Variants in SCN11A observed in about 807,000 individuals in gnomAD.
SCN11A encodes the protein sodium channel protein type 11 subunit alpha.
A neutral mutation model predicts 162.2 loss-of-function variants in SCN11A; 122 were observed. The observed-to-expected ratio is 0.75, with a 90% confidence interval of 0.65 to 0.87. SCN11A has a LOEUF of 0.87. SCN11A is among the 40% of genes least tolerant of loss of function. SCN11A has a pLI of 0.00. For synonymous variants in SCN11A, 758 were observed against 751.5 expected, an observed-to-expected ratio of 1.01 and a Z score of -0.14; for missense variants, 2,015 against 2,181.6, an observed-to-expected ratio of 0.92 and a Z score of 1.52.
At chr3:39,009,815 T>A (rs962089944) in intron 2 of SCN11A, among the ~76,000 whole-genome samples, 6 of 149,146 alleles carry the variant, frequency 4.0e-5, no homozygotes, top group Admixed American at 6.7e-5. Context: ...TAGCTGGGAC[T>A]ACAGGTGTGC....
intron 8 of SCN11A, among the ~76,000 whole-genome samples, chr3:38,925,955 A>C (rs1016689950): frequency 6.6e-6 from 1 of 152,246 alleles, no homozygotes; most frequent in Non-Finnish European, 1.5e-5. Context: ...TCAATAACGA[A>C]GAGCACACAA....
chr3:38,954,631 A>C (rs997053626), intron 3 of SCN11A, among the ~76,000 whole-genome samples: 3 of 151,962 alleles, frequency 2.0e-5, no homozygotes, highest in Non-Finnish European at 2.9e-5. Flanking sequence ...AGATGATAAA[A>C]AAACAAACAA....
At chr3:38,874,330 G>A (rs951653106) in intron 23 of SCN11A, among the ~76,000 whole-genome samples, 5 of 152,026 alleles carry the variant, frequency 3.3e-5, no homozygotes, top group East Asian at 3.9e-4. Flanking sequence ...GGGCACAGTC[G>A]CTCAAGCCTG....
chr3:39,004,678 T>C (rs566009187), intron 2 of SCN11A, among the ~76,000 whole-genome samples: 16 of 152,326 alleles, frequency 1.1e-4, no homozygotes, highest in Non-Finnish European at 2.1e-4. Context: ...TTTTCCCATT[T>C]GTTTGTGTCT....
intron 2 of SCN11A, among the ~76,000 whole-genome samples, chr3:38,989,080 C>G (rs1357220866): frequency 6.6e-6 from 1 of 152,134 alleles, no homozygotes; most frequent in Non-Finnish European, 1.5e-5. Flanking sequence ...AAAAGTCTGC[C>G]TGGTTCTCCT....
At chr3:39,044,897 C>T (rs1348174812) in intron 1 of SCN11A, among the ~76,000 whole-genome samples, 1 of 151,052 alleles carries the variant, frequency 6.6e-6, no homozygotes, top group Non-Finnish European at 1.5e-5. Context: ...AGATAATATC[C>T]ACAAACCACT....
Position 38,871,518 on chromosome 3 carries a change from C to A in SCN11A, c.3686G>T (p.Gly1229Val). ...TTTCTGGTTGATCCAAGAGAAATTGCCACTTTCACATTGACTTTTATTTGT... is the reference window on the plus strand; with the variant it reads ...TTTCTGGTTGATCCAAGAGAAATTGACACTTTCACATTGACTTTTATTTGT... ...IITNKSQCES[G>V]NFSWINQKVN... is the part of the protein sequence containing the mutation. The change falls in exon 25 of 30, where the codon GGC becomes GTC. Residue 1229 changes from glycine (G) to valine (V), a missense_variant. By Grantham distance (109) the Gly-to-Val change is moderately radical. Transcript: ENST00000302328. 6.2e-7 allele frequency: 1 copy of A among 1,612,586 alleles called. No individual in the cohort carries two copies. Among genetic ancestry groups the A allele is most frequent in the Non-Finnish European group, 8.5e-7 (1 of 1,179,150 alleles).
At chr3:38,899,168 T>C (rs933124329) in intron 17 of SCN11A, among the ~76,000 whole-genome samples, 1 of 152,172 alleles carries the variant, frequency 6.6e-6, no homozygotes, top group Non-Finnish European at 1.5e-5. Flanking sequence ...GTTTTCTAGT[T>C]CCCCTTCTCA....
chr3:39,048,782 C>T (rs1311572471), intron 1 of SCN11A, among the ~76,000 whole-genome samples: 1 of 152,186 alleles, frequency 6.6e-6, no homozygotes, highest in East Asian at 1.9e-4. Flanking sequence ...TTATAGCTTT[C>T]AACCAGATTT....
At chr3:38,905,053 G>A (rs1379269246) in intron 15 of SCN11A, 139 bp downstream of exon 15, 2 of 1,076,872 alleles carry the variant, frequency 1.9e-6, no homozygotes, top group Admixed American at 2.1e-5. Context: ...GGCAAAGGAA[G>A]TCACTCTTTG....
At position 38,854,524 on chromosome 3, in the gene SCN11A, G is replaced by A. The variant is rs111433333; in HGVS notation, c.4057-3773C>T. The stretch of plus-strand genomic sequence containing the variant: ...ATCTCGCACTTGGATGGACAGAACA[G>A]TGTGTGGAGACTCACACTGTGGACT... On this transcript the variant is annotated intron_variant, in intron 28 of 29. Coordinates refer to ENST00000302328, the MANE Select transcript of SCN11A (RefSeq NM_001349253.2). 2.4e-3 allele frequency among the ~76,000 whole-genome samples: 368 copies of A among 152,306 alleles called. 8 individuals are homozygous for A. The highest frequency in any genetic ancestry group is 0.021 in the Admixed American group (316 of 15,276).
chr3:39,031,249 C>T (rs916928706), intron 2 of SCN11A, among the ~76,000 whole-genome samples: 6 of 152,104 alleles, frequency 3.9e-5, no homozygotes, highest in Non-Finnish European at 5.9e-5. Context: ...TGGCCAGGCA[C>T]GGTGGCTCTC....
At chr3:38,950,002 C>T (rs944580024) in intron 5 of SCN11A, 94 bp downstream of exon 5, 3 of 785,754 alleles carry the variant, frequency 3.8e-6, no homozygotes, top group Non-Finnish European at 6.1e-6. Flanking sequence ...GCTATAAACC[C>T]TAAGAGTGGT....
chr3:39,028,296 T>G (rs143130676), intron 2 of SCN11A, among the ~76,000 whole-genome samples: 13 of 152,326 alleles, frequency 8.5e-5, no homozygotes, highest in African/African-American at 3.1e-4. Context: ...GGAGAAGGGA[T>G]AGAGTTCATA....
At chr3:38,929,056 T>C (rs1482386261) in intron 7 of SCN11A, among the ~76,000 whole-genome samples, 1 of 151,870 alleles carries the variant, frequency 6.6e-6, no homozygotes, top group Non-Finnish European at 1.5e-5. Context: ...GCCAGATAAG[T>C]AGACAATCTC....
chr3:38,904,365 GATGTTAGAT>G (rs2065757092), intron 15 of SCN11A, among the ~76,000 whole-genome samples: 1 of 152,142 alleles, frequency 6.6e-6, no homozygotes, highest in Non-Finnish European at 1.5e-5. Flanking sequence ...GCTGAGCTTT[GATGTTAGAT>G]ATATAGATGT....
chr3:39,051,334 G>A (rs1253924153), intron 1 of SCN11A, among the ~76,000 whole-genome samples: 1 of 151,944 alleles, frequency 6.6e-6, no homozygotes, highest in Non-Finnish European at 1.5e-5. Flanking sequence ...GTGTCCATGT[G>A]TTCTCATCAT....
intron 29 of SCN11A, chr3:38,849,993 C>T (rs2064747998): frequency 6.6e-6 from 1 of 151,702 alleles, no homozygotes; most frequent in Non-Finnish European, 1.5e-5. Context: ...GGCCATGGGG[C>T]CTTGTATAGG....
chr3:38,911,142 A>C (rs1272260194), intron 11 of SCN11A, among the ~76,000 whole-genome samples: 1 of 152,162 alleles, frequency 6.6e-6, no homozygotes, highest in Non-Finnish European at 1.5e-5. Context: ...GCTATGGTAG[A>C]CATTTTTTCT....
Sources: allele counts gnomAD v4.1 joint callset (sites outside exome capture counted in the v4.1 genomes callset), GRCh38; gene constraint gnomAD v4.1.1; transcripts MANE v1.5; gene names NCBI Gene and HGNC (gene_info 2026-07-23, HGNC 2026-07-21).